TAFA2: variants seen among roughly 807,000 people sequenced by gnomAD.
TAFA2 encodes the protein chemokine-like protein TAFA-2.
In TAFA2, 7 loss-of-function variants were observed where a neutral mutation model predicts 18.8. That is an observed-to-expected ratio of 0.37 (90% confidence interval 0.21 to 0.70). The LOEUF (loss-of-function observed/expected upper bound fraction) is 0.70, where lower values mean the gene tolerates loss of function less well. TAFA2 is among the 30% of genes least tolerant of loss of function. TAFA2 has a pLI of 0.53. For synonymous variants in TAFA2, 60 were observed against 54.2 expected (o/e 1.11, Z -0.47); for missense variants, 122 against 158.1 (o/e 0.77, Z 1.23).
chr12:62,099,043 G>C (rs1396943498), intron 1 of TAFA2, among the ~76,000 whole-genome samples: 1 of 152,056 alleles, frequency 6.6e-6, no homozygotes, highest in Non-Finnish European at 1.5e-5. Flanking sequence ...GAATTAGGTA[G>C]CTCACATAAA....
At chr12:61,872,522 T>C (rs1210013509) in intron 1 of TAFA2, among the ~76,000 whole-genome samples, 1 of 152,126 alleles carries the variant, frequency 6.6e-6, no homozygotes, top group Non-Finnish European at 1.5e-5. Context: ...ATTGCCCCAC[T>C]GGCCTTATAC....
At chr12:62,009,770 G>GTCTGAAAACTTGTGACACATACAAA (rs1880669599) in intron 1 of TAFA2, among the ~76,000 whole-genome samples, 1 of 152,094 alleles carries the variant, frequency 6.6e-6, no homozygotes, top group African/African-American at 2.4e-5. Flanking sequence ...CACATACAAA[G>GTCTGAAAACTTGTGACACATACAAA]TCAAAAAATG....
chr12:61,815,446 C>T (rs1266519353), intron 2 of TAFA2, among the ~76,000 whole-genome samples: 1 of 151,110 alleles, frequency 6.6e-6, no homozygotes, highest in African/African-American at 2.5e-5. Context: ...CTGGGCGGAT[C>T]ACGAGGTCAG....
intron 1 of TAFA2, among the ~76,000 whole-genome samples, chr12:62,182,584 C>T (rs2062559530): frequency 6.6e-6 from 1 of 152,130 alleles, no homozygotes; most frequent in Admixed American, 6.5e-5. Context: ...GCAAAATTTC[C>T]CTGGTAATTT....
intron 1 of TAFA2, among the ~76,000 whole-genome samples, chr12:61,931,567 A>G (rs1273248737): frequency 6.6e-6 from 1 of 152,018 alleles, no homozygotes; most frequent in African/African-American, 2.4e-5. Flanking sequence ...CTTTTGTGAA[A>G]CTCTATATAA....
chr12:61,880,135 C>T, intron 1 of TAFA2: 1 of 588,338 alleles, frequency 1.7e-6, no homozygotes, highest in Non-Finnish European at 3.1e-6. Flanking sequence ...AGGAGATCGC[C>T]AACTGCAGCT....
intron 2 of TAFA2, among the ~76,000 whole-genome samples, chr12:61,846,336 C>A (rs1271721780): frequency 6.6e-6 from 1 of 152,110 alleles, no homozygotes; most frequent in Non-Finnish European, 1.5e-5. Flanking sequence ...ATGTTGGGCT[C>A]TTTCTTTTCT....
chr12:61,794,924 T>C (rs1871130702), intron 2 of TAFA2, among the ~76,000 whole-genome samples: 1 of 152,076 alleles, frequency 6.6e-6, no homozygotes, highest in African/African-American at 2.4e-5. Context: ...GCGAAGGATA[T>C]GAACAGACAC....
chr12:61,923,713 G>A (rs900009044), intron 1 of TAFA2, among the ~76,000 whole-genome samples: 1 of 151,946 alleles, frequency 6.6e-6, no homozygotes, highest in Non-Finnish European at 1.5e-5. Flanking sequence ...CACCAGAAAG[G>A]GAACAAAACT....
intron 1 of TAFA2, among the ~76,000 whole-genome samples, chr12:61,925,182 T>C (rs1236236223): frequency 6.6e-6 from 1 of 152,024 alleles, no homozygotes; most frequent in Non-Finnish European, 1.5e-5. Flanking sequence ...ATCAACAAGA[T>C]GTAAAATTAA....
chr12:61,930,183 G>A (rs1877498140), intron 1 of TAFA2, among the ~76,000 whole-genome samples: 4 of 151,922 alleles, frequency 2.6e-5, no homozygotes, highest in African/African-American at 7.2e-5. Context: ...AAAAGAAAAC[G>A]GGAAGAGAAG....
At chr12:61,804,670 T>A (rs1871536713) in intron 2 of TAFA2, among the ~76,000 whole-genome samples, 1 of 152,066 alleles carries the variant, frequency 6.6e-6, no homozygotes, top group African/African-American at 2.4e-5. Context: ...GTGGAATTAT[T>A]ACCTGGAATA....
intron 2 of TAFA2, among the ~76,000 whole-genome samples, chr12:61,837,129 C>G (rs12830041): frequency 0.3 from 44,816 of 151,550 alleles, 7,092 homozygotes; most frequent in South Asian, 0.4. Flanking sequence ...TCTTTCTTTT[C>G]TAAACTTGTC....
chr12:61,754,907 G>T lies in TAFA2; in HGVS notation c.224C>A (p.Ala75Glu), dbSNP rs1401561005. The change falls in exon 3 of 5, where the codon GCA (alanine) becomes GAA (glutamate). Residue 75 changes from alanine (A) to glutamate (E), a missense_variant. Ala to Glu is a moderately radical substitution (Grantham distance 107). Transcript: ENST00000416284. The stretch of plus-strand genomic sequence containing the variant: ...TGATGGAGCAGCTCGCGTGGTGCCT[G>T]CCACCTGCCCAGGGAAGCAGGAGCA... ...VKCSCFPGQV[A>E]GTTRAAPSCV... 6.2e-7 allele frequency: 1 copy of T among 1,612,894 alleles called. No homozygotes were observed. The highest frequency in any genetic ancestry group is 8.5e-7 in the Non-Finnish European group (1 of 1,179,364).
At chr12:61,924,931 G>T (rs764715053) in intron 1 of TAFA2, among the ~76,000 whole-genome samples, 1 of 152,092 alleles carries the variant, frequency 6.6e-6, no homozygotes, top group Non-Finnish European at 1.5e-5. Context: ...CCCACGGGGT[G>T]CAATCCTAGT....
At chr12:62,109,585 C>A (rs115266177) in intron 1 of TAFA2, among the ~76,000 whole-genome samples, 3,118 of 152,228 alleles carry the variant, frequency 0.02, 106 homozygotes, top group African/African-American at 0.069. Flanking sequence ...TGTATATTGT[C>A]ACAATATTGA....
At chr12:61,927,874 G>A (rs1877373328) in intron 1 of TAFA2, among the ~76,000 whole-genome samples, 2 of 152,162 alleles carry the variant, frequency 1.3e-5, no homozygotes, top group African/African-American at 4.8e-5. Flanking sequence ...ACAACCATCT[G>A]ACCTTTGACA....
intron 1 of TAFA2, among the ~76,000 whole-genome samples, chr12:62,176,329 C>A (rs147383992): frequency 3.4e-4 from 51 of 152,222 alleles, no homozygotes; most frequent in African/African-American, 1.2e-3. Context: ...CAGCATTTAG[C>A]ATCTAACTAG....
chr12:61,967,510 A>G (rs1879108651), intron 1 of TAFA2, among the ~76,000 whole-genome samples: 1 of 151,886 alleles, frequency 6.6e-6, no homozygotes, highest in South Asian at 2.1e-4. Context: ...CCATTTGTCC[A>G]TTTGAATAAA....
Sources: allele counts gnomAD v4.1 joint callset (sites outside exome capture counted in the v4.1 genomes callset), GRCh38; gene constraint gnomAD v4.1.1; transcripts MANE v1.5; gene names NCBI Gene and HGNC (gene_info 2026-07-23, HGNC 2026-07-21).